The following ANO4 variants were observed in gnomAD, a reference collection of about 807,000 sequenced individuals.
ANO4 encodes the protein anoctamin-4.
In ANO4, 69 loss-of-function variants were observed where a neutral mutation model predicts 141.9. The ratio of observed to expected loss-of-function variants is 0.49; its 90% confidence interval spans 0.40 to 0.59. The LOEUF is 0.59. Ranked by LOEUF, ANO4 falls within the 20% of genes least tolerant of loss-of-function variation. The pLI is 0.00. For missense variants in ANO4, 894 were observed against 1,162.2 expected, an observed-to-expected ratio of 0.77 and a Z score of 3.36; for synonymous variants, 350 against 394.3, an observed-to-expected ratio of 0.89 and a Z score of 1.33.
chr12:100,774,669 C>T (rs552580177), intron 3 of ANO4, among the ~76,000 whole-genome samples: 53 of 152,242 alleles, frequency 3.5e-4, no homozygotes, highest in African/African-American at 1.1e-3. Flanking sequence ...CTTGCACACA[C>T]GTGAACACAC....
At chr12:101,102,985 T>C (rs2050250090) in intron 22 of ANO4, among the ~76,000 whole-genome samples, 1 of 151,502 alleles carries the variant, frequency 6.6e-6, no homozygotes, top group Non-Finnish European at 1.5e-5. Flanking sequence ...CAAATGATGT[T>C]TTTATTGTTT....
intron 8 of ANO4, among the ~76,000 whole-genome samples, chr12:100,996,922 A>G (rs2045405172): frequency 6.8e-6 from 1 of 146,992 alleles, no homozygotes; most frequent in Admixed American, 6.8e-5. Context: ...CCTTCATTCC[A>G]GGGTTACACC....
chr12:100,781,485 C>A (rs1449573380), intron 3 of ANO4, among the ~76,000 whole-genome samples: 1 of 152,104 alleles, frequency 6.6e-6, no homozygotes, highest in African/African-American at 2.4e-5. Flanking sequence ...GTCTTATAGT[C>A]CCCCTGCTTT....
At chr12:100,881,580 T>C (rs1013764122) in intron 1 of ANO4, among the ~76,000 whole-genome samples, 14 of 152,162 alleles carry the variant, frequency 9.2e-5, no homozygotes, top group Non-Finnish European at 2.1e-4. Flanking sequence ...TGAGGCCAGA[T>C]CTGAGTTTAG....
At chr12:101,092,760 A>G (rs1207663391) in intron 17 of ANO4, among the ~76,000 whole-genome samples, 6 of 152,160 alleles carry the variant, frequency 3.9e-5, no homozygotes, top group African/African-American at 1.2e-4. Context: ...GTTCACACCC[A>G]TGTAACAAAG....
intron 1 of ANO4, among the ~76,000 whole-genome samples, chr12:100,833,181 T>C (rs999836155): frequency 2.6e-5 from 4 of 152,098 alleles, no homozygotes; most frequent in South Asian, 2.1e-4. Context: ...ATGTAACTTA[T>C]GGCCTCCAAT....
chr12:101,060,223 G>T (rs2048292201), intron 14 of ANO4, among the ~76,000 whole-genome samples: 1 of 152,336 alleles, frequency 6.6e-6, no homozygotes, highest in African/African-American at 2.4e-5. Context: ...GTTCTAATTT[G>T]ATTGCACTGT....
At chr12:100,866,365 T>C (rs1285286649) in intron 1 of ANO4, among the ~76,000 whole-genome samples, 1 of 152,212 alleles carries the variant, frequency 6.6e-6, no homozygotes, top group East Asian at 1.9e-4. Flanking sequence ...ACTCTCACCA[T>C]GACTCCACGT....
chr12:100,992,917 C>T (rs11110620), intron 8 of ANO4, among the ~76,000 whole-genome samples: 13,753 of 152,212 alleles, frequency 0.09, 721 homozygotes, highest in Middle Eastern at 0.18. Flanking sequence ...ACCTGCCAGC[C>T]ACAGTGTCTC....
intron 3 of ANO4, among the ~76,000 whole-genome samples, chr12:100,764,894 A>C (rs1252487929): frequency 1.3e-5 from 2 of 152,180 alleles, no homozygotes; most frequent in African/African-American, 4.8e-5. Flanking sequence ...TTGCATGTGC[A>C]TTCATCAGGA....
chr12:100,998,693 T>C (rs1294798845), intron 8 of ANO4, among the ~76,000 whole-genome samples: 2 of 152,192 alleles, frequency 1.3e-5, no homozygotes, highest in African/African-American at 4.8e-5. Context: ...TCAGCCATGA[T>C]TGTATGGCCA....
intron 3 of ANO4, among the ~76,000 whole-genome samples, chr12:100,741,951 A>C (rs2031884356): frequency 6.6e-6 from 1 of 151,996 alleles, no homozygotes; most frequent in Non-Finnish European, 1.5e-5. Context: ...CCCTTAGTTG[A>C]CTTTTTTTCT....
At chr12:100,760,723 G>T (rs1331689542) in intron 3 of ANO4, among the ~76,000 whole-genome samples, 10 of 152,208 alleles carry the variant, frequency 6.6e-5, no homozygotes, top group Non-Finnish European at 1.3e-4. Context: ...ATGTCAGTTT[G>T]CAGCTCCTCT....
At chr12:100,777,247 C>A in intron 3 of ANO4, among the ~76,000 whole-genome samples, 1 of 147,012 alleles carries the variant, frequency 6.8e-6, no homozygotes, top group Admixed American at 6.8e-5. Flanking sequence ...TATACACCAC[C>A]AAGTCCAGCT....
chr12:101,058,635 G>T (rs1007424962), intron 14 of ANO4, among the ~76,000 whole-genome samples: 1 of 152,082 alleles, frequency 6.6e-6, no homozygotes, highest in African/African-American at 2.4e-5. Context: ...TTGTGAATGG[G>T]AGTTCATTCA....
chr12:100,926,417 G>C (rs2041872510), intron 3 of ANO4, among the ~76,000 whole-genome samples: 1 of 152,084 alleles, frequency 6.6e-6, no homozygotes, highest in Non-Finnish European at 1.5e-5. Context: ...CATCTTGCCT[G>C]TCATGTGTCA....
At chr12:100,941,798 A>G (rs956133173) in intron 4 of ANO4, among the ~76,000 whole-genome samples, 2 of 151,940 alleles carry the variant, frequency 1.3e-5, no homozygotes, top group African/African-American at 2.4e-5. Context: ...CACCTGCAGG[A>G]TATGAAAATC....
intron 16 of ANO4, among the ~76,000 whole-genome samples, chr12:101,085,646 C>T (rs546946689): frequency 6.6e-6 from 1 of 152,220 alleles, no homozygotes; most frequent in African/African-American, 2.4e-5. Context: ...TACTGAGGGA[C>T]AACTGCATTT....
chr12:100,766,687 C>G (rs979481110), intron 3 of ANO4, among the ~76,000 whole-genome samples: 3 of 152,130 alleles, frequency 2.0e-5, no homozygotes, highest in Non-Finnish European at 4.4e-5. Context: ...AATGTTCCAT[C>G]TGCACCTAAA....
Sources: gnomAD v4.1 joint callset for allele counts (sites outside exome capture counted in the v4.1 genomes callset) on GRCh38, gnomAD v4.1.1 for gene constraint, MANE v1.5 for transcripts, NCBI Gene and HGNC (gene_info 2026-07-23, HGNC 2026-07-21) for gene names.